The following KLF7 variants were observed in gnomAD, a reference collection of about 807,000 sequenced individuals.
The protein encoded by KLF7 is Krueppel-like factor 7.
A neutral mutation model predicts 27.3 loss-of-function variants in KLF7; 2 were observed. The ratio of observed to expected loss-of-function variants is 0.07; its 90% CI spans 0.03 to 0.23. The LOEUF (loss-of-function observed/expected upper bound fraction) is 0.23, where lower values mean the gene tolerates loss of function less well. Ranked by LOEUF, KLF7 falls within the 10% of genes least tolerant of loss-of-function variation. The pLI is 1.00. For missense variants in KLF7, 221 were observed against 394.1 expected (o/e 0.56, Z 3.72); for synonymous variants, 165 against 162.4 (o/e 1.02, Z -0.12).
intron 1 of KLF7, among the ~76,000 whole-genome samples, chr2:207,162,440 A>G (rs370902096): frequency 2.6e-5 from 4 of 152,238 alleles, no homozygotes; most frequent in African/African-American, 9.6e-5. Flanking sequence ...AGGCAGAAAG[A>G]TGATGTTACT....
At chr2:207,117,289 A>G (rs2077212185) in intron 2 of KLF7, among the ~76,000 whole-genome samples, 1 of 152,248 alleles carries the variant, frequency 6.6e-6, no homozygotes, top group Non-Finnish European at 1.5e-5. Context: ...CTAAATTACC[A>G]TGTGGTAAAG....
chr2:207,088,421 T>A, intron 3 of KLF7, 37 bp downstream of exon 3: 2 of 1,599,314 alleles, frequency 1.3e-6, no homozygotes, highest in Non-Finnish European at 1.7e-6. Context: ...CTTCCCCATC[T>A]CTCCTCCCTA....
chr2:207,141,352 A>G (rs2077937926), intron 1 of KLF7, among the ~76,000 whole-genome samples: 1 of 152,188 alleles, frequency 6.6e-6, no homozygotes, highest in Admixed American at 6.5e-5. Flanking sequence ...TGCAGTAGGT[A>G]GATGCTATTT....
intron 2 of KLF7, among the ~76,000 whole-genome samples, chr2:207,102,565 C>A (rs2076792654): frequency 6.6e-6 from 1 of 152,092 alleles, no homozygotes; most frequent in African/African-American, 2.4e-5. Flanking sequence ...TCCACAGAAA[C>A]CTAGTTTTCA....
chr2:207,121,063 T>A (rs1429198015), intron 2 of KLF7: 1 of 152,250 alleles, frequency 6.6e-6, no homozygotes, highest in Non-Finnish European at 1.5e-5. Flanking sequence ...AGGAAGGTTT[T>A]ACAGGCAAAA....
chr2:207,134,055 C>T (rs1480444370), intron 1 of KLF7: 2 of 1,534,874 alleles, frequency 1.3e-6, no homozygotes, highest in East Asian at 2.4e-5. Flanking sequence ...CCCTGGGCCC[C>T]TTTACACTCA....
At chr2:207,167,081 C>T, upstream of KLF7, 2 of 1,361,402 alleles carry the variant, frequency 1.5e-6, no homozygotes, top group Non-Finnish European at 1.9e-6. Context: ...CCTAGGTAGA[C>T]GTGGGGCGCA....
intron 1 of KLF7, among the ~76,000 whole-genome samples, chr2:207,126,656 T>C (rs769278542): frequency 2.1e-4 from 32 of 152,214 alleles, no homozygotes; most frequent in Admixed American, 1.2e-3. Flanking sequence ...AAAGAAAATT[T>C]GCCGGGCGCA....
chr2:207,166,932 C>G (rs990340827), upstream of KLF7: 3 of 827,364 alleles, frequency 3.6e-6, no homozygotes, highest in Non-Finnish European at 4.6e-6. Flanking sequence ...CCCGCCCCGC[C>G]CCGCGGGCGC....
chr2:207,150,702 CT>C, intron 1 of KLF7, among the ~76,000 whole-genome samples: 1 of 152,240 alleles, frequency 6.6e-6, no homozygotes, highest in East Asian at 1.9e-4. Flanking sequence ...TGCCAAATCC[CT>C]TGAATTTTCC....
At chr2:207,171,215 CTAGAAG>C (rs1276320001), upstream of KLF7, among the ~76,000 whole-genome samples, 3 of 151,728 alleles carry the variant, frequency 2.0e-5, no homozygotes, top group African/African-American at 7.3e-5. Context: ...AGCAAAAGAA[CTAGAAG>C]TAGAGCCCAA....
intron 1 of KLF7, among the ~76,000 whole-genome samples, chr2:207,149,601 T>C (rs1219973909): frequency 6.6e-6 from 1 of 152,180 alleles, no homozygotes; most frequent in Non-Finnish European, 1.5e-5. Context: ...ACCAGTACTC[T>C]AGGTAAGGCA....
intron 2 of KLF7, among the ~76,000 whole-genome samples, chr2:207,108,082 C>CA (rs2076928381): frequency 6.6e-6 from 1 of 152,190 alleles, no homozygotes; most frequent in South Asian, 2.1e-4. Flanking sequence ...CATACAATGA[C>CA]AGGAGTGGGA....
chr2:207,108,878 T>C (rs1272881), intron 2 of KLF7, among the ~76,000 whole-genome samples: 1 of 152,120 alleles, frequency 6.6e-6, no homozygotes, highest in South Asian at 2.1e-4. Context: ...TAAAGGCACA[T>C]AAATCATTTC....
upstream of KLF7, among the ~76,000 whole-genome samples, chr2:207,168,846 T>G (rs778784093): frequency 1.3e-5 from 2 of 152,238 alleles, no homozygotes; most frequent in African/African-American, 2.4e-5. Flanking sequence ...GCAAAACACA[T>G]GCAAGGTATC....
At chr2:207,159,544 C>A (rs1224770505) in intron 1 of KLF7, among the ~76,000 whole-genome samples, 1 of 152,160 alleles carries the variant, frequency 6.6e-6, no homozygotes, top group Non-Finnish European at 1.5e-5. Context: ...ATATCCAATT[C>A]AATTTTGCAT....
In KLF7 at chr2:207,152,523, T is replaced by C. The variant is rs546609583; in HGVS notation, c.102+12944A>G. Among the ~76,000 whole-genome samples, 7 of 152,270 alleles carry C rather than the reference T, an allele frequency of 4.6e-5. No individual in the cohort carries two copies. The South Asian group carries it at 1.5e-3, about 32-fold the overall frequency. ...AAATGTTACAAATACCAATAAGGAA[T>C]GAACATGCTCTAGAGCAACTGCTAA... On this transcript the variant is annotated intron_variant, in intron 1 of 3. Coordinates refer to ENST00000309446, the MANE Select transcript of KLF7 (RefSeq NM_003709.4).
chr2:207,111,555 TTGA>T (rs2077038012), intron 2 of KLF7, among the ~76,000 whole-genome samples: 3 of 152,214 alleles, frequency 2.0e-5, no homozygotes, highest in African/African-American at 7.2e-5. Context: ...ACCGGTTTGC[TTGA>T]TGTCAAAGCT....
intron 2 of KLF7, among the ~76,000 whole-genome samples, chr2:207,093,251 G>C (rs2076551506): frequency 6.6e-6 from 1 of 152,204 alleles, no homozygotes; most frequent in South Asian, 2.1e-4. Context: ...TGAAATTAAA[G>C]TGTAAAAGTT....
Sources: gnomAD v4.1 joint callset for allele counts (sites outside exome capture counted in the v4.1 genomes callset) on GRCh38, gnomAD v4.1.1 for gene constraint, MANE v1.5 for transcripts, NCBI Gene and HGNC (gene_info 2026-07-23, HGNC 2026-07-21) for gene names.